The following PIK3AP1 variants were observed in gnomAD, a reference collection of about 807,000 sequenced individuals.
PIK3AP1 encodes phosphoinositide 3-kinase adapter protein 1.
PIK3AP1 carries 21 observed loss-of-function variants against 88.1 expected under a neutral mutation model. The observed-to-expected ratio is 0.24, with a 90% CI of 0.17 to 0.34. The LOEUF is 0.34. Ranked by LOEUF, PIK3AP1 falls within the 10% of genes least tolerant of loss-of-function variation. The pLI is 1.00. For synonymous variants in PIK3AP1, 398 were observed against 400.0 expected (o/e 1.00, Z 0.06); for missense variants, 828 against 1,035.7 (o/e 0.80, Z 2.75).
intron 2 of PIK3AP1, among the ~76,000 whole-genome samples, chr10:96,683,619 AATC>A (rs1304926693): frequency 1.3e-5 from 2 of 152,210 alleles, no homozygotes; most frequent in Non-Finnish European, 2.9e-5. Context: ...GAGATAATAA[AATC>A]AAGTCATTTT....
Position 96,595,319 on chromosome 10 carries a change from G to A in PIK3AP1, c.*258C>T, listed in dbSNP as rs1848736371. 5 of 471,888 alleles carry A rather than the reference G, an allele frequency of 1.1e-5. No individual in the cohort carries two copies. In the South Asian group the frequency reaches 1.7e-4, roughly 16 times the overall value. The allele number at this position is 471,888 out of a possible 1,614,324, so 29.2% of individuals were successfully genotyped here. On this transcript the variant is annotated 3_prime_UTR_variant, in exon 17 of 17. Coordinates refer to ENST00000339364, the MANE Select transcript of PIK3AP1 (RefSeq NM_152309.3). ...AATTAGAGGTAAGTATTTCGATTAA[G>A]TCTTCATCCTTTTGGCAAACAAGTA... is the stretch of plus-strand genomic sequence containing the variant.
Position 96,594,366 on chromosome 10 carries a change from G to C in PIK3AP1, c.*1211C>G, listed in dbSNP as rs539423547. 2 of 152,246 alleles carry C rather than the reference G, an allele frequency of 1.3e-5. No individual in the cohort carries two copies. The highest frequency in any genetic ancestry group is 4.1e-4 in the South Asian group (2 of 4,820). The allele number at this position is 152,246 out of a possible 1,614,324, so 9.4% of individuals were successfully genotyped here. ...TCCTGTATGCTTTAAATCATTTCTA[G>C]ATTTCTTATAATATCTAATACAATG... On this transcript the variant is annotated 3_prime_UTR_variant, in exon 17 of 17. Transcript: ENST00000339364. This position sits in a 1 kb window ranked among gnomAD's most constrained non-coding sequence, Gnocchi z 4.6.
At chr10:96,695,352 G>A (rs977364419) in intron 2 of PIK3AP1, among the ~76,000 whole-genome samples, 11 of 152,180 alleles carry the variant, frequency 7.2e-5, no homozygotes, top group African/African-American at 2.4e-4. Context: ...TATGATGAAC[G>A]TCCTTCCTAT....
chr10:96,661,719 G>C (rs572832132), intron 2 of PIK3AP1, among the ~76,000 whole-genome samples: 34 of 152,236 alleles, frequency 2.2e-4, no homozygotes, highest in Non-Finnish European at 2.9e-5. Flanking sequence ...CCAGGAAGTG[G>C]AGGTTGCAGA....
At chr10:96,608,276 GAGAC>G (rs945884559) in intron 14 of PIK3AP1, among the ~76,000 whole-genome samples, 11 of 152,334 alleles carry the variant, frequency 7.2e-5, no homozygotes, top group Admixed American at 6.5e-4. Flanking sequence ...ACAGGTCTGA[GAGAC>G]AGAGATAGCC....
chr10:96,651,168 C>G, intron 6 of PIK3AP1, 80 bp downstream of exon 6: 1 of 1,559,736 alleles, frequency 6.4e-7, no homozygotes, highest in Non-Finnish European at 8.8e-7. Context: ...AGAAGGTAAA[C>G]GCGTATGTTG....
intron 1 of PIK3AP1, among the ~76,000 whole-genome samples, chr10:96,715,787 G>T (rs988034747): frequency 6.6e-6 from 1 of 151,842 alleles, no homozygotes; most frequent in Non-Finnish European, 1.5e-5. Context: ...CTACTCAGGA[G>T]GCTGAGGCAG....
chr10:96,646,914 C>A (rs1279421305), intron 7 of PIK3AP1, among the ~76,000 whole-genome samples: 1 of 152,168 alleles, frequency 6.6e-6, no homozygotes, highest in Non-Finnish European at 1.5e-5. Context: ...TCATTTTCAC[C>A]ACCACTACCC....
chr10:96,599,912 C>T (rs924420143), intron 16 of PIK3AP1, among the ~76,000 whole-genome samples: 1 of 152,192 alleles, frequency 6.6e-6, no homozygotes, highest in Admixed American at 6.6e-5. Context: ...TCTTTTTACA[C>T]ATTTACATGC....
intron 1 of PIK3AP1, among the ~76,000 whole-genome samples, chr10:96,714,727 G>A (rs564457229): frequency 2.6e-5 from 4 of 152,326 alleles, no homozygotes; most frequent in South Asian, 2.1e-4. Flanking sequence ...AAAGGAACAC[G>A]AGTCAACTCA....
At chr10:96,672,814 G>T (rs1429542635) in intron 2 of PIK3AP1, among the ~76,000 whole-genome samples, 1 of 152,190 alleles carries the variant, frequency 6.6e-6, no homozygotes, top group African/African-American at 2.4e-5. Context: ...TTCCCAAATA[G>T]AGCTGCTCTA....
At chr10:96,598,032 T>G (rs201930144) in intron 16 of PIK3AP1, among the ~76,000 whole-genome samples, 7 of 123,050 alleles carry the variant, frequency 5.7e-5, no homozygotes, top group East Asian at 2.6e-4. Flanking sequence ...GGGTTTTTTT[T>G]GTTTTTTTGT....
rs369598887 is a variant in PIK3AP1, at chr10:96,603,178, G to A, written c.2242-780C>T. Among the ~76,000 whole-genome samples, 5 of 152,116 alleles carry A rather than the reference G, an allele frequency of 3.3e-5. No individual in the cohort carries two copies. The East Asian group carries it at 9.6e-4, about 29-fold the overall frequency. ...CTTCTTTTCTATTTATTGAGGTGAA[G>A]TTAACATAAACTTAACCATTTTAAA... On this transcript the variant is annotated intron_variant, in intron 15 of 16. Coordinates refer to ENST00000339364, the MANE Select transcript of PIK3AP1 (RefSeq NM_152309.3).
intron 2 of PIK3AP1, among the ~76,000 whole-genome samples, chr10:96,683,316 C>T (rs1190785868): frequency 2.0e-5 from 3 of 152,228 alleles, no homozygotes; most frequent in South Asian, 2.1e-4. Context: ...AAGGAGAGTA[C>T]GCCACAGATA....
chr10:96,711,917 A>ATT (rs1408302072), intron 1 of PIK3AP1, among the ~76,000 whole-genome samples: 3 of 145,504 alleles, frequency 2.1e-5, no homozygotes, highest in African/African-American at 5.0e-5. Flanking sequence ...CGCCCGGCTA[A>ATT]TTTTTTTTTT....
At chr10:96,686,036 G>A (rs559650811) in intron 2 of PIK3AP1, among the ~76,000 whole-genome samples, 2 of 152,288 alleles carry the variant, frequency 1.3e-5, no homozygotes, top group South Asian at 2.1e-4. Context: ...ATATTAGTGG[G>A]AGGGCAGCAG....
At chr10:96,639,915 G>A (rs976178466) in intron 8 of PIK3AP1, among the ~76,000 whole-genome samples, 5 of 152,248 alleles carry the variant, frequency 3.3e-5, no homozygotes, top group African/African-American at 1.2e-4. Context: ...GGGCTGGGCT[G>A]TGAGGTCCTT....
At chr10:96,632,944 G>C (rs1197299606) in intron 8 of PIK3AP1, 1 of 1,612,738 alleles carries the variant, frequency 6.2e-7, no homozygotes, top group Non-Finnish European at 8.5e-7. Flanking sequence ...AAGGACACAA[G>C]CTAGCAGGGC....
At chr10:96,646,088 C>A (rs536585139) in intron 7 of PIK3AP1, among the ~76,000 whole-genome samples, 28 of 152,184 alleles carry the variant, frequency 1.8e-4, no homozygotes, top group African/African-American at 5.3e-4. Flanking sequence ...GGCAAAACCT[C>A]ATCTCTACTA....
Sources: allele counts gnomAD v4.1 joint callset (sites outside exome capture counted in the v4.1 genomes callset), GRCh38; gene constraint gnomAD v4.1.1; non-coding constraint Gnocchi (gnomAD v3.1); transcripts MANE v1.5; gene names NCBI Gene and HGNC (gene_info 2026-07-23, HGNC 2026-07-21).